LGR5: variants seen among roughly 807,000 people sequenced by gnomAD.
LGR5 encodes the protein leucine rich repeat containing G protein-coupled receptor 5.
LGR5 carries 54 observed loss-of-function variants against 76.7 expected under a neutral mutation model. The observed-to-expected ratio is 0.70, with a 90% CI of 0.57 to 0.88. The LOEUF (loss-of-function observed/expected upper bound fraction) is 0.88, where lower values mean the gene tolerates loss of function less well. LGR5 is among the 40% of genes least tolerant of loss of function. The pLI is 0.00. For missense variants in LGR5, 1,078 were observed against 1,073.3 expected, an observed-to-expected ratio of 1.00 and a Z score of -0.06; for synonymous variants, 406 against 421.9, an observed-to-expected ratio of 0.96 and a Z score of 0.46.
At chr12:71,524,329 T>C (rs1875873102) in intron 2 of LGR5, 77 bp from the exon 3 acceptor site, 5 of 1,032,336 alleles carry the variant, frequency 4.8e-6, no homozygotes, top group Non-Finnish European at 4.4e-6. Flanking sequence ...ATAGTTGTAT[T>C]GCATTTTTTT....
At chr12:71,557,005 A>G (rs1877803102) in intron 6 of LGR5, among the ~76,000 whole-genome samples, 1 of 152,248 alleles carries the variant, frequency 6.6e-6, no homozygotes, top group Non-Finnish European at 1.5e-5. Context: ...CTCACTGTTC[A>G]TGAGTCTGGT....
Position 71,504,594 on chromosome 12 carries a change from C to T in LGR5, c.213-20C>T, listed in dbSNP as rs1874765233. The T allele has an allele frequency of 6.2e-7, 1 of 1,608,286 alleles. No individual in the cohort carries two copies. Among genetic ancestry groups the T allele is most frequent in the East Asian group, 2.2e-5 (1 of 44,846 alleles). Reference sequence around the variant, plus strand: ...GGTGGCATTTGCTGCTCCTCACACGCTGTCTGTTTTCCCCCCCAGAGACCT... The same window carrying T: ...GGTGGCATTTGCTGCTCCTCACACGTTGTCTGTTTTCCCCCCCAGAGACCT... On this transcript the variant is annotated intron_variant, in intron 1 of 17. Coordinates refer to ENST00000266674, the MANE Select transcript of LGR5 (RefSeq NM_003667.4).
rs150359191 is a variant in LGR5, at chr12:71,553,073, G to A, written c.429G>A (p.Leu143=). Residue 143 remains leucine, a splice_region_variant and synonymous_variant, in exon 5 of 18, where the codon CTG becomes CTA. Coordinates refer to ENST00000266674, the MANE Select transcript of LGR5 (RefSeq NM_003667.4). ...ALQNLRSLQS[L]RLDANHISYV... Reference sequence around the variant, plus strand: ...CATTCTTGCTTTCTTTCTTCCACAGGCGTCTGGATGCTAACCACATCAGCT... The same window carrying A: ...CATTCTTGCTTTCTTTCTTCCACAGACGTCTGGATGCTAACCACATCAGCT... 8.1e-5 allele frequency: 130 copies of A among 1,613,562 alleles called. No homozygotes were observed. Among genetic ancestry groups the A allele is most frequent in the Middle Eastern group, 3.3e-4 (2 of 6,064 alleles).
chr12:71,531,176 T>A (rs1005879776), intron 3 of LGR5, among the ~76,000 whole-genome samples: 2 of 152,220 alleles, frequency 1.3e-5, no homozygotes, highest in African/African-American at 4.8e-5. Context: ...ATGTGAATGA[T>A]AAAAATGAAG....
chr12:71,505,345 AG>A (rs745542262), intron 2 of LGR5, among the ~76,000 whole-genome samples: 1 of 152,228 alleles, frequency 6.6e-6, no homozygotes, highest in Non-Finnish European at 1.5e-5. Flanking sequence ...AAGATGAAAA[AG>A]AACTGTATAA....
chr12:71,519,233 G>A (rs117094111), intron 2 of LGR5, among the ~76,000 whole-genome samples: 3,496 of 152,034 alleles, frequency 0.023, 35 homozygotes, highest in Middle Eastern at 0.068. Context: ...TCTTTATATC[G>A]ATACCTGCAT....
intron 1 of LGR5, among the ~76,000 whole-genome samples, chr12:71,445,736 A>G (rs1871960914): frequency 6.6e-6 from 1 of 152,192 alleles, no homozygotes; most frequent in Admixed American, 6.5e-5. Flanking sequence ...TGATTTCAAG[A>G]AATGGAATAA....
intron 2 of LGR5, among the ~76,000 whole-genome samples, chr12:71,513,486 G>T (rs1368357782): frequency 2.6e-5 from 4 of 152,106 alleles, no homozygotes; most frequent in Admixed American, 1.3e-4. Context: ...CCCCCAATTT[G>T]GGGTCAAAAT....
intron 11 of LGR5, among the ~76,000 whole-genome samples, chr12:71,569,978 A>G (rs894307697): frequency 6.6e-6 from 1 of 152,242 alleles, no homozygotes; most frequent in African/African-American, 2.4e-5. Context: ...CTATGCAGCC[A>G]TAAGAAGAAA....
intron 1 of LGR5, among the ~76,000 whole-genome samples, chr12:71,489,353 G>A (rs1459216144): frequency 6.6e-6 from 1 of 152,160 alleles, no homozygotes; most frequent in Non-Finnish European, 1.5e-5. Context: ...GGATTAGGCA[G>A]CTATCCAAGC....
intron 1 of LGR5, among the ~76,000 whole-genome samples, chr12:71,489,369 G>T (rs1013301899): frequency 1.3e-5 from 2 of 152,148 alleles, no homozygotes; most frequent in Non-Finnish European, 2.9e-5. Flanking sequence ...CAAGCTCTTG[G>T]TGAGTCCTTA....
At chr12:71,498,318 TC>T (rs1365412473) in intron 1 of LGR5, among the ~76,000 whole-genome samples, 2 of 151,464 alleles carry the variant, frequency 1.3e-5, no homozygotes, top group African/African-American at 4.8e-5. Flanking sequence ...TAGCCATTTG[TC>T]CAGGCTGCTA....
intron 1 of LGR5, among the ~76,000 whole-genome samples, chr12:71,450,673 C>T (rs1872211042): frequency 6.6e-6 from 1 of 152,086 alleles, no homozygotes. Context: ...TTTATTTGAT[C>T]ACATTTTGGT....
intron 2 of LGR5, among the ~76,000 whole-genome samples, chr12:71,508,028 G>A (rs1874944497): frequency 6.6e-6 from 1 of 151,178 alleles, no homozygotes; most frequent in East Asian, 1.9e-4. Flanking sequence ...AGACCATCCT[G>A]GCCAACATGG....
At chr12:71,481,012 A>T (rs1465752396) in intron 1 of LGR5, among the ~76,000 whole-genome samples, 1 of 152,180 alleles carries the variant, frequency 6.6e-6, no homozygotes, top group Non-Finnish European at 1.5e-5. Flanking sequence ...CATTCTTCAG[A>T]TCATGGGCAA....
chr12:71,479,455 T>TGGC (rs1215558296), intron 1 of LGR5, among the ~76,000 whole-genome samples: 1 of 152,248 alleles, frequency 6.6e-6, no homozygotes, highest in African/African-American at 2.4e-5. Context: ...TGTTAAAAGC[T>TGGC]GGCGATTCAG....
At chr12:71,526,879 G>A (rs1333707652) in intron 3 of LGR5, among the ~76,000 whole-genome samples, 1 of 152,112 alleles carries the variant, frequency 6.6e-6, no homozygotes, top group Non-Finnish European at 1.5e-5. Context: ...CGACTGAGGG[G>A]ACAATACGTA....
At position 71,585,157 on chromosome 12, in the gene LGR5, G is replaced by T. The variant is rs182219309; in HGVS notation, c.*423G>T. On this transcript the variant is annotated 3_prime_UTR_variant, in exon 18 of 18. Transcript: ENST00000266674. ...TTGTTGGGGGAATTAGGAAAATAAG[G>T]GTTTTCAATGACCTACATTGCTAGG... 1 of 163,464 alleles carries T rather than the reference G, an allele frequency of 6.1e-6. No homozygotes were observed. Among genetic ancestry groups the T allele is most frequent in the Admixed American group, 5.8e-5 (1 of 17,262 alleles). 10.1% of individuals were successfully genotyped at this position (163,464 alleles called of 1,614,324 possible).
upstream of LGR5, among the ~76,000 whole-genome samples, chr12:71,439,592 G>T (rs1050170389): frequency 6.6e-6 from 1 of 152,044 alleles, no homozygotes; most frequent in Non-Finnish European, 1.5e-5. Flanking sequence ...CGGAGGCTCA[G>T]TGGGAGCGCC....
Sources: gnomAD v4.1 joint callset for allele counts (sites outside exome capture counted in the v4.1 genomes callset) on GRCh38, gnomAD v4.1.1 for gene constraint, MANE v1.5 for transcripts, NCBI Gene and HGNC (gene_info 2026-07-23, HGNC 2026-07-21) for gene names.